The following METTL15 variants were observed in gnomAD, a reference collection of about 807,000 sequenced individuals.
METTL15 encodes 12S rRNA N(4)-cytidine methyltransferase METTL15.
In METTL15, 34 loss-of-function variants were observed where a neutral mutation model predicts 38.3. That is an observed-to-expected ratio of 0.89 (90% CI 0.68 to 1.18). The LOEUF is 1.18. Ranked by LOEUF, METTL15 falls within the 50% of genes most tolerant of loss-of-function variation. The pLI, the probability that METTL15 is intolerant of heterozygous loss-of-function variation, is 0.00. For missense variants in METTL15, 438 were observed against 498.4 expected, an observed-to-expected ratio of 0.88 and a Z score of 1.15; for synonymous variants, 162 against 170.9, an observed-to-expected ratio of 0.95 and a Z score of 0.41.
intron 4 of METTL15, among the ~76,000 whole-genome samples, chr11:28,225,534 C>T (rs1853442683): frequency 1.3e-5 from 2 of 151,300 alleles, no homozygotes; most frequent in Non-Finnish European, 3.0e-5. Flanking sequence ...AGTCTGAGGT[C>T]AACCCAGTTT....
At chr11:28,188,326 T>A (rs1851580667) in intron 3 of METTL15, among the ~76,000 whole-genome samples, 1 of 151,346 alleles carries the variant, frequency 6.6e-6, no homozygotes, top group East Asian at 1.9e-4. Context: ...TATATAGTAT[T>A]ACATTTGTTG....
At chr11:28,195,416 G>GT (rs1369900698) in intron 3 of METTL15, among the ~76,000 whole-genome samples, 1 of 151,934 alleles carries the variant, frequency 6.6e-6, no homozygotes, top group Non-Finnish European at 1.5e-5. Context: ...TCTGGCTGGG[G>GT]TAAGGTGGTA....
chr11:28,133,626 T>C (rs1385940426), intron 3 of METTL15, among the ~76,000 whole-genome samples: 4 of 152,186 alleles, frequency 2.6e-5, no homozygotes, highest in Non-Finnish European at 4.4e-5. Context: ...GTCTTTTGGA[T>C]TGCTTGCTCA....
At chr11:28,258,450 T>C (rs1259144991) in intron 4 of METTL15, among the ~76,000 whole-genome samples, 1 of 152,134 alleles carries the variant, frequency 6.6e-6, no homozygotes, top group Non-Finnish European at 1.5e-5. Context: ...CCCAGGCTTG[T>C]GTCCTTCTCT....
intron 4 of METTL15, among the ~76,000 whole-genome samples, chr11:28,247,376 CAGTT>C (rs944726242): frequency 1.3e-5 from 2 of 152,158 alleles, no homozygotes; most frequent in Admixed American, 1.3e-4. Flanking sequence ...GATATTGCCA[CAGTT>C]AGACAATTTA....
At chr11:28,216,552 G>C (rs554934103) in intron 4 of METTL15, among the ~76,000 whole-genome samples, 1 of 151,932 alleles carries the variant, frequency 6.6e-6, no homozygotes. Context: ...ACACAATCTA[G>C]TAGTGAGAAA....
At chr11:28,344,968 G>A (rs1313025208) in intron 3 of METTL15, among the ~76,000 whole-genome samples, 7 of 152,100 alleles carry the variant, frequency 4.6e-5, no homozygotes, top group Non-Finnish European at 1.0e-4. Flanking sequence ...TATAAAAATG[G>A]AACGTTTTAT....
chr11:28,136,110 G>C (rs1013576116), intron 3 of METTL15, among the ~76,000 whole-genome samples: 17 of 152,310 alleles, frequency 1.1e-4, no homozygotes, highest in Admixed American at 9.8e-4. Context: ...ACAATTGTCT[G>C]TGAATAGCAA....
chr11:28,214,127 C>G (rs1390268126), intron 4 of METTL15, among the ~76,000 whole-genome samples: 1 of 152,078 alleles, frequency 6.6e-6, no homozygotes, highest in Non-Finnish European at 1.5e-5. Flanking sequence ...ACTGCAGCCT[C>G]TGCTTCCTGG....
Position 28,281,922 on chromosome 11 carries a change from T to C in METTL15, c.408-8284T>C, listed in dbSNP as rs182357698. Among the ~76,000 whole-genome samples the C allele has an allele frequency of 3.3e-5, 5 of 152,340 alleles. No homozygotes were observed. In the East Asian group the frequency reaches 9.7e-4, roughly 29 times the overall value. ...GGGAAAGATTACTCCACTGAATAAA[T>C]TTTAAAAGGGTTACTGAGTGAGAGA... is the stretch of plus-strand genomic sequence containing the variant. On this transcript the variant is annotated intron_variant, in intron 4 of 6. Transcript: ENST00000407364.
At chr11:28,487,287 G>C (rs1264941275) in intron 6 of METTL15, among the ~76,000 whole-genome samples, 2 of 152,010 alleles carry the variant, frequency 1.3e-5, no homozygotes, top group East Asian at 3.9e-4. Context: ...TGTGAAAATT[G>C]AAATAACTAA....
intron 6 of METTL15, among the ~76,000 whole-genome samples, chr11:28,481,579 G>A (rs1017488882): frequency 2.0e-5 from 3 of 152,158 alleles, no homozygotes; most frequent in African/African-American, 7.2e-5. Context: ...CCAATGGGAG[G>A]GGTAGCTTTT....
At chr11:28,432,508 G>A (rs925181537) in intron 6 of METTL15, among the ~76,000 whole-genome samples, 1 of 152,214 alleles carries the variant, frequency 6.6e-6, no homozygotes, top group Non-Finnish European at 1.5e-5. Flanking sequence ...AGGGGCGAAT[G>A]CTCTCTTTCA....
chr11:28,124,416 A>T (rs1852382632), intron 3 of METTL15, among the ~76,000 whole-genome samples: 1 of 152,094 alleles, frequency 6.6e-6, no homozygotes. Context: ...GTGCAGACAC[A>T]TCTAATTGGC....
intron 6 of METTL15, among the ~76,000 whole-genome samples, chr11:28,507,122 A>G (rs1431600715): frequency 1.3e-5 from 2 of 152,162 alleles, no homozygotes; most frequent in African/African-American, 2.4e-5. Context: ...CTAAATGTCT[A>G]CATTAATTAG....
At chr11:28,371,691 T>A (rs1024305849) in intron 5 of METTL15, among the ~76,000 whole-genome samples, 10 of 152,082 alleles carry the variant, frequency 6.6e-5, no homozygotes, top group African/African-American at 2.4e-4. Context: ...TATAGTTTAC[T>A]TTGTATAGAC....
intron 3 of METTL15, among the ~76,000 whole-genome samples, chr11:28,344,263 A>AT: frequency 6.6e-6 from 1 of 152,276 alleles, no homozygotes; most frequent in South Asian, 2.1e-4. Context: ...GAATACTAAT[A>AT]TTGAGAGACA....
chr11:28,416,099 C>A (rs918622687), intron 5 of METTL15, among the ~76,000 whole-genome samples: 1 of 152,228 alleles, frequency 6.6e-6, no homozygotes, highest in Non-Finnish European at 1.5e-5. Context: ...CAATAGACTT[C>A]TCTGGGTTTC....
At position 28,126,375 on chromosome 11, in the gene METTL15, C is replaced by A. The variant is rs75575443; in HGVS notation, c.270+12771C>A. Among the ~76,000 whole-genome samples, 644 of 152,158 alleles carry A rather than the reference C, an allele frequency of 4.2e-3. 7 individuals carry two copies. The highest frequency in any genetic ancestry group is 0.015 in the African/African-American group (620 of 41,546). ...CCCCTTCCTCCCCCAACTCCCTTCT[C>A]TACCGCCTTCCTCCATAGCACACTA... On this transcript the variant is annotated intron_variant, in intron 3 of 6. Transcript: ENST00000407364.
Sources: gnomAD v4.1 joint callset for allele counts (sites outside exome capture counted in the v4.1 genomes callset) on GRCh38, gnomAD v4.1.1 for gene constraint, MANE v1.5 for transcripts, NCBI Gene and HGNC (gene_info 2026-07-23, HGNC 2026-07-21) for gene names.